MYLK: variants seen among roughly 807,000 people sequenced by gnomAD.
MYLK encodes the protein myosin light chain kinase, smooth muscle.
Under a neutral mutation model 203.4 loss-of-function variants are expected in MYLK, and 106 were observed. The ratio of observed to expected loss-of-function variants is 0.52; its 90% CI spans 0.45 to 0.61. The LOEUF (loss-of-function observed/expected upper bound fraction) is 0.61, where lower values mean the gene tolerates loss of function less well. Ranked by LOEUF, MYLK falls within the 20% of genes least tolerant of loss-of-function variation. The pLI is 0.00. For missense variants in MYLK, 2,072 were observed against 2,442.3 expected, an observed-to-expected ratio of 0.85 and a Z score of 3.20; for synonymous variants, 867 against 959.5, an observed-to-expected ratio of 0.90 and a Z score of 1.78.
intron 4 of MYLK, among the ~76,000 whole-genome samples, chr3:123,764,790 T>G (rs1407157129): frequency 6.6e-6 from 1 of 152,194 alleles, no homozygotes; most frequent in African/African-American, 2.4e-5. Context: ...TCTTCCAGTT[T>G]TCAGCTTCAC....
intron 16 of MYLK, 59 bp downstream of exon 16, chr3:123,707,695 G>A: frequency 1.2e-6 from 2 of 1,612,774 alleles, no homozygotes. Context: ...ACCCAGGTTA[G>A]GGGAGCTAGG....
At position 123,726,192 on chromosome 3, in the gene MYLK, C is replaced by T. The variant is rs114687828; in HGVS notation, c.1517-114G>A. On this transcript the variant is annotated intron_variant, in intron 11 of 33. Transcript: ENST00000360304. ...ACTGTCCTGGACACCTGGGTACCCT[C>T]GGCAGCCTGCCTTTGGCTTCTCTCT... 383 of 1,389,478 alleles carry T rather than the reference C, an allele frequency of 2.8e-4. 2 individuals are homozygous for T. In the African/African-American group the frequency reaches 2.9e-3, roughly 10 times the overall value. 86.1% of individuals were successfully genotyped at this position (1,389,478 alleles called of 1,614,324 possible). A position where few individuals can be genotyped will look rare whatever the true frequency, so the allele number is the denominator to read the frequency against.
At chr3:123,773,786 C>T (rs2063965371) in intron 4 of MYLK, among the ~76,000 whole-genome samples, 2 of 152,226 alleles carry the variant, frequency 1.3e-5, no homozygotes, top group African/African-American at 2.4e-5. Flanking sequence ...ACAACACAGC[C>T]CATCCATCAC....
chr3:123,615,276 T>A (rs1476469216), intron 33 of MYLK, among the ~76,000 whole-genome samples: 3 of 151,878 alleles, frequency 2.0e-5, no homozygotes, highest in African/African-American at 7.2e-5. Flanking sequence ...GAAATACTGC[T>A]CCAATTCCAA....
rs77880365 is a variant in MYLK at position 123,860,723 on chromosome 3, T to C, written c.-127+15836A>G. 6.6e-3 allele frequency among the ~76,000 whole-genome samples: 1,003 copies of C among 152,298 alleles called. 9 individuals are homozygous for C. The highest frequency in any genetic ancestry group is 0.02 in the African/African-American group (843 of 41,572). On this transcript the variant is annotated intron_variant, in intron 2 of 33. Coordinates refer to ENST00000360304, the MANE Select transcript of MYLK (RefSeq NM_053025.4). ...GAGCTGTGCCCTGAGACAGCCTAAATTGGTCAATAAACACAGTAGTTCTGT... is the reference window on the plus strand; with the variant it reads ...GAGCTGTGCCCTGAGACAGCCTAAACTGGTCAATAAACACAGTAGTTCTGT...
At chr3:123,663,969 T>C (rs981645076) in intron 23 of MYLK, 136 bp downstream of exon 23, 53 of 1,311,100 alleles carry the variant, frequency 4.0e-5, no homozygotes, top group Non-Finnish European at 5.6e-5. Context: ...ATCTTCTTTC[T>C]GTGGTGCCTT....
chr3:123,881,241 T>A (rs2033513748), intron 1 of MYLK, among the ~76,000 whole-genome samples: 1 of 152,092 alleles, frequency 6.6e-6, no homozygotes, highest in Admixed American at 6.5e-5. Context: ...GCTGGACGGT[T>A]CCTTGATTCT....
chr3:123,664,029 G>A, intron 23 of MYLK, 76 bp downstream of exon 23: 1 of 1,594,126 alleles, frequency 6.3e-7, no homozygotes, highest in African/African-American at 1.3e-5. Context: ...GAAGTCCTGA[G>A]GCCCACGTAT....
At chr3:123,725,713 G>A (rs2062254102) in intron 12 of MYLK, among the ~76,000 whole-genome samples, 2 of 152,194 alleles carry the variant, frequency 1.3e-5, no homozygotes. Flanking sequence ...CACATAGGCA[G>A]CATGATTCCT....
chr3:123,759,266 G>T (rs1278184504), intron 4 of MYLK, among the ~76,000 whole-genome samples: 1 of 152,082 alleles, frequency 6.6e-6, no homozygotes, highest in Admixed American at 6.5e-5. Flanking sequence ...GGGGCTCCAG[G>T]CTTTCCAGAA....
At chr3:123,778,369 C>T (rs771595437) in intron 4 of MYLK, among the ~76,000 whole-genome samples, 4 of 151,856 alleles carry the variant, frequency 2.6e-5, no homozygotes, top group Non-Finnish European at 5.9e-5. Context: ...AAAAATTAGC[C>T]GAGCGTGGTG....
intron 5 of MYLK, among the ~76,000 whole-genome samples, chr3:123,741,168 A>G (rs1042034782): frequency 6.6e-6 from 1 of 152,212 alleles, no homozygotes; most frequent in Non-Finnish European, 1.5e-5. Context: ...GCAAAAGAGT[A>G]AACTTCCTTA....
chr3:123,666,792 T>A (rs1364963614), intron 21 of MYLK: 2 of 532,806 alleles, frequency 3.8e-6, no homozygotes, highest in Non-Finnish European at 6.7e-6. Flanking sequence ...GGCACAAAAA[T>A]AGCCCCAAGA....
intron 24 of MYLK, among the ~76,000 whole-genome samples, chr3:123,650,382 GA>G (rs2108211671): frequency 6.6e-6 from 1 of 152,218 alleles, no homozygotes; most frequent in African/African-American, 2.4e-5. Flanking sequence ...AGAAAGCATA[GA>G]GGGAGGAAAA....
chr3:123,883,165 G>T (rs1015369476), intron 1 of MYLK, among the ~76,000 whole-genome samples: 3 of 152,154 alleles, frequency 2.0e-5, no homozygotes, highest in Non-Finnish European at 4.4e-5. Context: ...GCCTCTCTTG[G>T]AAGGGGGATG....
chr3:123,834,338 G>A (rs1440310876), intron 2 of MYLK, among the ~76,000 whole-genome samples: 5 of 152,250 alleles, frequency 3.3e-5, no homozygotes, highest in African/African-American at 1.2e-4. Flanking sequence ...GAGCTACTGC[G>A]CCCAGCCTCA....
At position 123,788,092 on chromosome 3, in the gene MYLK, C is replaced by T. The variant is rs181408444; in HGVS notation, c.165+5585G>A. On this transcript the variant is annotated intron_variant, in intron 4 of 33. Transcript: ENST00000360304. ...CCAGCGTATAAAGCAGGAGGTGGCA[C>T]CGTCAGATCCACGTGGTAGGAAGAT... 1.5e-3 allele frequency among the ~76,000 whole-genome samples: 233 copies of T among 152,194 alleles called. 1 individual carries two copies. The highest frequency in any genetic ancestry group is 5.3e-3 in the African/African-American group (222 of 41,514).
intron 20 of MYLK, among the ~76,000 whole-genome samples, chr3:123,669,681 A>G (rs1047747780): frequency 4.6e-5 from 7 of 152,110 alleles, no homozygotes; most frequent in Non-Finnish European, 1.0e-4. Context: ...ATACATGTAT[A>G]TATGTGTGGA....
chr3:123,863,831 A>T (rs951328615), intron 2 of MYLK, among the ~76,000 whole-genome samples: 3 of 152,242 alleles, frequency 2.0e-5, no homozygotes, highest in Admixed American at 6.5e-5. Flanking sequence ...CTTATGACCT[A>T]GCAATTCCAC....
Sources: allele counts gnomAD v4.1 joint callset (sites outside exome capture counted in the v4.1 genomes callset), GRCh38; gene constraint gnomAD v4.1.1; transcripts MANE v1.5; gene names NCBI Gene and HGNC (gene_info 2026-07-23, HGNC 2026-07-21).